Variants in RAB7A observed in about 807,000 individuals in gnomAD.
The protein encoded by RAB7A is RAB7A, member RAS oncogene family.
In RAB7A, 2 loss-of-function variants were observed where a neutral mutation model predicts 24.5. The ratio of observed to expected loss-of-function variants is 0.08; its 90% CI spans 0.03 to 0.26. RAB7A has a LOEUF of 0.26. Among genes scored for constraint, RAB7A ranks in the 10% least tolerant of loss-of-function variants. The pLI is 1.00. For missense variants in RAB7A, 118 were observed against 255.7 expected, an observed-to-expected ratio of 0.46 and a Z score of 3.67; for synonymous variants, 100 against 95.9, an observed-to-expected ratio of 1.04 and a Z score of -0.25.
At chr3:128,763,267 T>G (rs1246524936) in intron 1 of RAB7A, among the ~76,000 whole-genome samples, 4 of 139,098 alleles carry the variant, frequency 2.9e-5, no homozygotes, top group Non-Finnish European at 4.5e-5. Context: ...CAGGCTGGAG[T>G]GTAGTGGCGC....
chr3:128,732,657 C>T (rs555661229), intron 1 of RAB7A, among the ~76,000 whole-genome samples: 2 of 152,110 alleles, frequency 1.3e-5, no homozygotes, highest in African/African-American at 4.8e-5. Flanking sequence ...AGTAAGACTC[C>T]ATCTCTACAA....
chr3:128,795,751 C>CTTTTTTTT (rs71153147), intron 2 of RAB7A, among the ~76,000 whole-genome samples: 1,024 of 42,962 alleles, frequency 0.024, 301 homozygotes, highest in Middle Eastern at 0.062. Context: ...AGCAGATGTG[C>CTTTTTTTT]TTTTTTTTTT....
At chr3:128,784,860 C>T (rs1212076988) in intron 1 of RAB7A, among the ~76,000 whole-genome samples, 2 of 151,894 alleles carry the variant, frequency 1.3e-5, no homozygotes, top group Non-Finnish European at 2.9e-5. Context: ...TCTACTTTTG[C>T]CCTTGGTATA....
intron 5 of RAB7A, among the ~76,000 whole-genome samples, chr3:128,809,737 C>T (rs1933879193): frequency 6.6e-6 from 1 of 151,982 alleles, no homozygotes; most frequent in African/African-American, 2.4e-5. Flanking sequence ...AGAGCTCAGC[C>T]AGTTGTTTGA....
At chr3:128,748,396 G>A (rs577103461) in intron 1 of RAB7A, 4 of 152,266 alleles carry the variant, frequency 2.6e-5, no homozygotes, top group Non-Finnish European at 5.9e-5. Flanking sequence ...CAAGGTAAAG[G>A]TGGGAAAGGC....
At chr3:128,762,937 A>G (rs891254127) in intron 1 of RAB7A, among the ~76,000 whole-genome samples, 5 of 152,142 alleles carry the variant, frequency 3.3e-5, no homozygotes, top group Admixed American at 2.6e-4. Flanking sequence ...CAGTTGAGCT[A>G]CTACAAAGTA....
At chr3:128,736,159 T>C (rs950806035) in intron 1 of RAB7A, among the ~76,000 whole-genome samples, 14 of 134,496 alleles carry the variant, frequency 1.0e-4, no homozygotes, top group African/African-American at 2.3e-4. Context: ...ATTTGTCTCT[T>C]TTTTTTTTTT....
At chr3:128,742,156 G>C (rs2070560997) in intron 1 of RAB7A, among the ~76,000 whole-genome samples, 1 of 152,142 alleles carries the variant, frequency 6.6e-6, no homozygotes, top group African/African-American at 2.4e-5. Context: ...CCTCCACGGT[G>C]AGTGTTACAG....
At chr3:128,782,336 A>G (rs1933238436) in intron 1 of RAB7A, among the ~76,000 whole-genome samples, 4 of 152,262 alleles carry the variant, frequency 2.6e-5, no homozygotes, top group South Asian at 2.1e-4. Context: ...AACACTGCAC[A>G]TGCCAGAACC....
At chr3:128,738,855 CA>C (rs2070520327) in intron 1 of RAB7A, among the ~76,000 whole-genome samples, 2 of 152,198 alleles carry the variant, frequency 1.3e-5, no homozygotes, top group African/African-American at 4.8e-5. Flanking sequence ...GTAAATTCTT[CA>C]CATTGTTTGA....
At chr3:128,755,770 AT>A (rs1175555463) in intron 1 of RAB7A, among the ~76,000 whole-genome samples, 1 of 151,966 alleles carries the variant, frequency 6.6e-6, no homozygotes, top group African/African-American at 2.4e-5. Context: ...AATGGTAATG[AT>A]TTTTTTTAAA....
chr3:128,766,225 A>G (rs1209202802), intron 1 of RAB7A, among the ~76,000 whole-genome samples: 1 of 152,218 alleles, frequency 6.6e-6, no homozygotes, highest in Admixed American at 6.5e-5. Flanking sequence ...AGACTCAAAC[A>G]TGGCACCCTC....
At position 128,806,454 on chromosome 3, in the gene RAB7A, T is replaced by C; in HGVS notation, c.263T>C (p.Phe88Ser). The C allele has an allele frequency of 6.2e-7, 1 of 1,614,120 alleles. No individual in the cohort carries two copies. The highest frequency in any genetic ancestry group is 8.5e-7 in the Non-Finnish European group (1 of 1,180,000). ...GGTGCAGACTGCTGCGTTCTGGTAT[T>C]TGATGTGACTGCCCCCAACACATTC... ...YRGADCCVLV[F>S]DVTAPNTFKT... Residue 88 changes from phenylalanine (F) to serine (S), a missense_variant, in exon 4 of 6, where the codon TTT (phenylalanine) becomes TCT (serine). This residue lies in a region of RAB7A where 52 missense variants were observed against 173.5 expected (regional missense o/e 0.30). Transcript: ENST00000265062.
intron 1 of RAB7A, among the ~76,000 whole-genome samples, chr3:128,785,739 A>G (rs1037445320): frequency 7.0e-6 from 1 of 143,480 alleles, no homozygotes; most frequent in African/African-American, 2.6e-5. Context: ...ACAGAGCAAG[A>G]CTGTCTCAAA....
chr3:128,742,385 C>T (rs1205699019), intron 1 of RAB7A, among the ~76,000 whole-genome samples: 3 of 152,114 alleles, frequency 2.0e-5, no homozygotes, highest in Non-Finnish European at 4.4e-5. Flanking sequence ...GAAGGGGACC[C>T]GAGCGGGTTG....
intron 1 of RAB7A, among the ~76,000 whole-genome samples, chr3:128,742,173 A>G (rs987672409): frequency 6.6e-6 from 1 of 151,848 alleles, no homozygotes; most frequent in African/African-American, 2.4e-5. Context: ...ACAGCTCTTA[A>G]GGTGGCACGT....
intron 1 of RAB7A, among the ~76,000 whole-genome samples, chr3:128,777,833 C>T (rs1933130360): frequency 6.6e-6 from 1 of 152,152 alleles, no homozygotes; most frequent in Non-Finnish European, 1.5e-5. Context: ...GCGATTCTCC[C>T]ACTTCATCCT....
intron 1 of RAB7A, among the ~76,000 whole-genome samples, chr3:128,771,863 C>G (rs1426986167): frequency 1.3e-5 from 2 of 152,162 alleles, no homozygotes; most frequent in African/African-American, 4.8e-5. Flanking sequence ...TTCTGACCAA[C>G]CTTTGTGTAA....
chr3:128,747,804 G>GTC (rs1474059160), intron 1 of RAB7A, among the ~76,000 whole-genome samples: 1 of 151,160 alleles, frequency 6.6e-6, no homozygotes, highest in Non-Finnish European at 1.5e-5. Flanking sequence ...GTCTCACTCT[G>GTC]TCTCCCAGGC....
Sources: allele counts gnomAD v4.1 joint callset (sites outside exome capture counted in the v4.1 genomes callset), GRCh38; gene constraint gnomAD v4.1.1; regional missense constraint gnomAD v4.1.1; transcripts MANE v1.5; gene names NCBI Gene and HGNC (gene_info 2026-07-23, HGNC 2026-07-21).